CLVS1: variants seen among roughly 807,000 people sequenced by gnomAD.
The protein encoded by CLVS1 is clavesin-1.
In CLVS1, 10 loss-of-function variants were observed where a neutral mutation model predicts 33.1. The observed-to-expected ratio is 0.30, with a 90% CI of 0.19 to 0.51. The LOEUF is 0.51. CLVS1 is among the 20% of genes least tolerant of loss of function. The pLI is 0.97. For missense variants in CLVS1, 343 were observed against 433.4 expected (o/e 0.79, Z 1.85); for synonymous variants, 163 against 166.1 (o/e 0.98, Z 0.14).
intron 3 of CLVS1, among the ~76,000 whole-genome samples, chr8:61,447,597 T>C (rs2129606647): frequency 6.6e-6 from 1 of 152,096 alleles, no homozygotes; most frequent in East Asian, 1.9e-4. Context: ...ATTCATAACT[T>C]ATAGTCTTTT....
At chr8:61,369,392 A>G (rs1035628879) in intron 2 of CLVS1, among the ~76,000 whole-genome samples, 2 of 152,242 alleles carry the variant, frequency 1.3e-5, no homozygotes, top group African/African-American at 4.8e-5. Context: ...ACATTCAGCT[A>G]AAACCTGAAT....
chr8:61,000,132 G>A, the CLVS1 span, among the ~76,000 whole-genome samples: 2 of 152,178 alleles, frequency 1.3e-5, no homozygotes, highest in Non-Finnish European at 2.9e-5. Context: ...AATTTTCTCA[G>A]GAGAGACAGT....
At chr8:61,063,291 GAGAT>G (rs1212675760) in intron 1 of CLVS1, among the ~76,000 whole-genome samples, 2,575 of 107,108 alleles carry the variant, frequency 0.024, 163 homozygotes, top group African/African-American at 0.083. Flanking sequence ...GAGAGAGAGA[GAGAT>G]AGAGAGAGAG....
chr8:60,967,220 T>C, the CLVS1 span, among the ~76,000 whole-genome samples: 1 of 152,204 alleles, frequency 6.6e-6, no homozygotes, highest in Non-Finnish European at 1.5e-5. Flanking sequence ...GCATAGGGTA[T>C]TGTCCTTGTT....
At chr8:61,394,902 T>C (rs1217144674) in intron 3 of CLVS1, among the ~76,000 whole-genome samples, 1 of 152,250 alleles carries the variant, frequency 6.6e-6, no homozygotes, top group Non-Finnish European at 1.5e-5. Flanking sequence ...TATCTCATTG[T>C]GGTTTTAATT....
intron 1 of CLVS1, among the ~76,000 whole-genome samples, chr8:61,100,077 C>T (rs1805421777): frequency 1.3e-5 from 2 of 152,208 alleles, no homozygotes; most frequent in South Asian, 4.1e-4. Flanking sequence ...TTGAATTCCA[C>T]TGCATGTGTG....
intron 2 of CLVS1, among the ~76,000 whole-genome samples, chr8:61,225,382 T>C (rs1386766354): frequency 6.6e-6 from 1 of 152,178 alleles, no homozygotes; most frequent in Non-Finnish European, 1.5e-5. Context: ...TAGTAGATGG[T>C]TATTATTAAT....
At chr8:61,366,420 T>A (rs1563518772) in intron 2 of CLVS1, among the ~76,000 whole-genome samples, 1 of 152,230 alleles carries the variant, frequency 6.6e-6, no homozygotes, top group Admixed American at 6.5e-5. Flanking sequence ...CATGGCCCTC[T>A]CCTAAACCAG....
At chr8:61,100,864 A>G (rs1454577348) in intron 1 of CLVS1, among the ~76,000 whole-genome samples, 1 of 152,152 alleles carries the variant, frequency 6.6e-6, no homozygotes, top group Non-Finnish European at 1.5e-5. Flanking sequence ...TTAACATAAT[A>G]TTTTGAAGGT....
At chr8:61,476,650 A>G (rs1017470234) in intron 5 of CLVS1, among the ~76,000 whole-genome samples, 2 of 152,208 alleles carry the variant, frequency 1.3e-5, no homozygotes, top group Non-Finnish European at 2.9e-5. Context: ...TTGACTTTGT[A>G]TCCTGAGACT....
chr8:60,975,590 T>A, the CLVS1 span, among the ~76,000 whole-genome samples: 1 of 152,104 alleles, frequency 6.6e-6, no homozygotes, highest in African/African-American at 2.4e-5. Flanking sequence ...CAAGGCAGTA[T>A]CTGGAGCTTC....
the CLVS1 span, among the ~76,000 whole-genome samples, chr8:60,973,964 C>A: frequency 2.0e-4 from 31 of 152,228 alleles, no homozygotes; most frequent in East Asian, 5.8e-4. Context: ...TATTTTTATT[C>A]TTTTGATTTG....
intron 2 of CLVS1, among the ~76,000 whole-genome samples, chr8:61,314,531 A>G (rs1335741116): frequency 6.6e-6 from 1 of 152,230 alleles, no homozygotes; most frequent in Non-Finnish European, 1.5e-5. Context: ...AAAAGCAAAA[A>G]TAAAATAAAA....
intron 5 of CLVS1, among the ~76,000 whole-genome samples, chr8:61,490,955 C>A (rs1389513998): frequency 2.1e-5 from 3 of 146,166 alleles, no homozygotes; most frequent in African/African-American, 7.5e-5. Flanking sequence ...AGCCAGACTC[C>A]ATCTCCAAAA....
chr8:61,121,019 A>C (rs941901758), intron 1 of CLVS1, among the ~76,000 whole-genome samples: 6 of 151,366 alleles, frequency 4.0e-5, no homozygotes, highest in Admixed American at 3.3e-4. Context: ...GCTAGCAATC[A>C]GCGAGACTCC....
chr8:61,482,259 G>C (rs1818222351), intron 5 of CLVS1, among the ~76,000 whole-genome samples: 1 of 152,228 alleles, frequency 6.6e-6, no homozygotes, highest in African/African-American at 2.4e-5. Flanking sequence ...AACCAGAGCA[G>C]AAAAGAGGAA....
At chr8:61,456,187 G>A (rs112955713) in intron 4 of CLVS1, among the ~76,000 whole-genome samples, 107 of 152,258 alleles carry the variant, frequency 7.0e-4, no homozygotes, top group African/African-American at 2.3e-3. Flanking sequence ...GAGGTAGAGG[G>A]TCCAGCCTCC....
chr8:61,395,185 T>A (rs1263383436), intron 3 of CLVS1, among the ~76,000 whole-genome samples: 1 of 152,118 alleles, frequency 6.6e-6, no homozygotes, highest in African/African-American at 2.4e-5. Flanking sequence ...GGACATTATC[T>A]AAAGGAAATA....
chr8:61,292,997 C>G lies in CLVS1; in HGVS notation c.-152+4859C>G, dbSNP rs569799505. On this transcript the variant is annotated intron_variant, in intron 1 of 5. Coordinates refer to ENST00000325897, the MANE Select transcript of CLVS1 (RefSeq NM_173519.3). Reference sequence around the variant, plus strand: ...TACAAAAGTTTTCAGTGTCTCTACTCTGATGGAGCTCATTCCAATCTACTT... The same window carrying G: ...TACAAAAGTTTTCAGTGTCTCTACTGTGATGGAGCTCATTCCAATCTACTT... Among the ~76,000 whole-genome samples the G allele has an allele frequency of 4.6e-5, 7 of 152,294 alleles. No individual in the cohort carries two copies. In the South Asian group the frequency reaches 1.5e-3, roughly 32 times the overall value.
Sources: allele counts gnomAD v4.1 joint callset (sites outside exome capture counted in the v4.1 genomes callset), GRCh38; gene constraint gnomAD v4.1.1; transcripts MANE v1.5; gene names NCBI Gene and HGNC (gene_info 2026-07-23, HGNC 2026-07-21).